The following TTC39B variants were observed in gnomAD, a reference collection of about 807,000 sequenced individuals.
TTC39B encodes tetratricopeptide repeat protein 39B.
TTC39B carries 92 observed loss-of-function variants against 96.6 expected under a neutral mutation model. The observed-to-expected ratio is 0.95, with a 90% confidence interval of 0.80 to 1.13. TTC39B has a LOEUF of 1.13. Ranked by LOEUF, TTC39B falls within the 50% of genes most tolerant of loss-of-function variation. The pLI is 0.00. For missense variants in TTC39B, 955 were observed against 809.3 expected, an observed-to-expected ratio of 1.18 and a Z score of -2.18; for synonymous variants, 367 against 299.4, an observed-to-expected ratio of 1.23 and a Z score of -2.33.
At chr9:15,225,752 A>C (rs1008143854) in intron 3 of TTC39B, among the ~76,000 whole-genome samples, 165 bp downstream of exon 3, 2 of 152,204 alleles carry the variant, frequency 1.3e-5, no homozygotes, top group Admixed American at 1.3e-4. Context: ...CAGCCACCGT[A>C]TCTCCTTCCC....
intron 4 of TTC39B, among the ~76,000 whole-genome samples, chr9:15,212,895 T>C (rs1820289533): frequency 6.6e-6 from 1 of 152,186 alleles, no homozygotes; most frequent in Non-Finnish European, 1.5e-5. Context: ...CAATAACTTC[T>C]AGTATTTAAT....
At chr9:15,224,930 C>A (rs1023558807) in intron 3 of TTC39B, among the ~76,000 whole-genome samples, 1 of 152,182 alleles carries the variant, frequency 6.6e-6, no homozygotes, top group Non-Finnish European at 1.5e-5. Context: ...ATAAAGAACA[C>A]ACGCATAGCT....
intron 1 of TTC39B, among the ~76,000 whole-genome samples, chr9:15,281,561 T>C (rs1024286421): frequency 7.3e-6 from 1 of 137,706 alleles, no homozygotes; most frequent in Non-Finnish European, 1.5e-5. Flanking sequence ...TTAAGACTTC[T>C]ACATATTAAT....
chr9:15,243,537 C>T (rs1008351446), intron 2 of TTC39B, among the ~76,000 whole-genome samples: 1 of 152,204 alleles, frequency 6.6e-6, no homozygotes, highest in Non-Finnish European at 1.5e-5. Flanking sequence ...AAAAAAAGCA[C>T]TTTCGTAAGA....
intron 4 of TTC39B, 115 bp downstream of exon 4, chr9:15,214,024 A>G: frequency 1.4e-6 from 1 of 733,526 alleles, no homozygotes; most frequent in Non-Finnish European, 2.2e-6. Flanking sequence ...GTCTGAACTA[A>G]ATTAGCTTAT....
At chr9:15,200,046 G>T in intron 7 of TTC39B, 121 bp from the exon 8 acceptor site, 2 of 545,666 alleles carry the variant, frequency 3.7e-6, no homozygotes, top group South Asian at 2.9e-5. Context: ...GTATTTTGAG[G>T]ACATAATTTT....
chr9:15,197,387 C>G (rs969751662), intron 8 of TTC39B, among the ~76,000 whole-genome samples: 15 of 152,116 alleles, frequency 9.9e-5, no homozygotes, highest in Non-Finnish European at 2.2e-4. Flanking sequence ...TCTACCACCC[C>G]CTTCCAGGAT....
In TTC39B at chr9:15,185,417, C is replaced by T; in HGVS notation, c.1488-11G>A. 6.2e-7 allele frequency: 1 copy of T among 1,613,304 alleles called. No individual in the cohort carries two copies. The highest frequency in any genetic ancestry group is 8.5e-7 in the Non-Finnish European group (1 of 1,179,488). ...AAGCTGTCCACCTGTCTGTGAAGAA[C>T]CCCAGCCCAGCCCCAGAGAAAGGTC... On this transcript the variant is annotated splice_polypyrimidine_tract_variant and intron_variant, in intron 15 of 19. Coordinates refer to ENST00000512701, the Ensembl canonical transcript of TTC39B.
chr9:15,251,823 T>C (rs1253654271), intron 2 of TTC39B, among the ~76,000 whole-genome samples: 1 of 150,818 alleles, frequency 6.6e-6, no homozygotes, highest in Admixed American at 6.6e-5. Flanking sequence ...ATTGTTATGA[T>C]TATTTACCCA....
At chr9:15,185,806 G>C (rs1371990613) in intron 15 of TTC39B, among the ~76,000 whole-genome samples, 2 of 152,218 alleles carry the variant, frequency 1.3e-5, no homozygotes, top group Admixed American at 6.5e-5. Context: ...TGGATACTCA[G>C]GGAGAGAGAA....
chr9:15,285,227 C>A (rs1437372369), intron 1 of TTC39B, among the ~76,000 whole-genome samples: 3 of 151,064 alleles, frequency 2.0e-5, no homozygotes, highest in Non-Finnish European at 4.4e-5. Flanking sequence ...CGAGATCACG[C>A]CACTGCACTC....
chr9:15,177,038 G>A (rs1817977921), intron 18 of TTC39B, among the ~76,000 whole-genome samples: 1 of 152,178 alleles, frequency 6.6e-6, no homozygotes, highest in Admixed American at 6.6e-5. Context: ...TCTCTTTACT[G>A]CCAAATTATT....
Position 15,267,013 on chromosome 9 carries a change from A to G in TTC39B, c.275+901T>C, listed in dbSNP as rs368768725. Among the ~76,000 whole-genome samples the G allele has an allele frequency of 9.2e-5, 14 of 152,276 alleles. No homozygotes were observed. In the East Asian group the frequency reaches 1.5e-3, roughly 17 times the overall value. ...AGAATGGCGTGAACCTGGGAGGCGG[A>G]GCTTGCAGTGAGCCGAGATCGTGCC... is the stretch of plus-strand genomic sequence containing the variant. On this transcript the variant is annotated intron_variant, in intron 2 of 19. Transcript: ENST00000512701.
At chr9:15,267,984 A>C (rs938803631) in intron 1 of TTC39B, 36 bp from the exon 2 acceptor site, 1 of 1,590,332 alleles carries the variant, frequency 6.3e-7, no homozygotes, top group Non-Finnish European at 8.6e-7. Context: ...GTTTCTCAAG[A>C]ATTCTCAATG....
intron 1 of TTC39B, among the ~76,000 whole-genome samples, chr9:15,295,639 A>G (rs1824346749): frequency 6.6e-6 from 1 of 152,268 alleles, no homozygotes; most frequent in Non-Finnish European, 1.5e-5. Context: ...AGACTTTAAA[A>G]GCATAAAGAG....
At chr9:15,168,886 A>G (rs1817577368) in exon 20 of TTC39B, 1 of 152,182 alleles carries the variant, frequency 6.6e-6, no homozygotes. Flanking sequence ...AGTGTCTATC[A>G]CAACTACCTC....
rs2118276641 is a variant in TTC39B at position 15,166,289 on chromosome 9, C to T, written c.*5730G>A. The T allele has an allele frequency of 2.0e-5, 3 of 152,298 alleles. No individual in the cohort carries two copies. In the South Asian group the frequency reaches 6.2e-4, roughly 32 times the overall value. 9.4% of individuals were successfully genotyped at this position (152,298 alleles called of 1,614,324 possible). A position where few individuals can be genotyped will look rare whatever the true frequency, so the allele number is the denominator to read the frequency against. On this transcript the variant is annotated 3_prime_UTR_variant, in exon 20 of 20. Coordinates refer to ENST00000512701, the Ensembl canonical transcript of TTC39B. Reference sequence around the variant, plus strand: ...CAGTGAGCCAGCTGCTTTGATTTTTCCATGTGATGTCCTGTTACAGTATTA... The same window carrying T: ...CAGTGAGCCAGCTGCTTTGATTTTTTCATGTGATGTCCTGTTACAGTATTA...
At chr9:15,178,010 C>T (rs945155053) in intron 17 of TTC39B, among the ~76,000 whole-genome samples, 196 bp from the exon 18 acceptor site, 10 of 151,848 alleles carry the variant, frequency 6.6e-5, no homozygotes, top group African/African-American at 1.9e-4. Context: ...GCTGGGACTA[C>T]AGGTGCCCAC....
chr9:15,214,395 AG>A, intron 3 of TTC39B, 146 bp from the exon 4 acceptor site: 1 of 618,040 alleles, frequency 1.6e-6, no homozygotes, highest in South Asian at 2.2e-5. Flanking sequence ...TTCTGGAGAC[AG>A]GACAGGCTGG....
Sources: allele counts gnomAD v4.1 joint callset (sites outside exome capture counted in the v4.1 genomes callset), GRCh38; gene constraint gnomAD v4.1.1; transcripts MANE v1.5; gene names NCBI Gene and HGNC (gene_info 2026-07-23, HGNC 2026-07-21).